The following SHROOM2 variants were observed in gnomAD, a reference collection of about 807,000 sequenced individuals.
The protein encoded by SHROOM2 is shroom family member 2.
SHROOM2 carries 33 observed loss-of-function variants against 75.9 expected under a neutral mutation model. That is an observed-to-expected ratio of 0.43 (90% confidence interval 0.33 to 0.58). The LOEUF is 0.58. Among genes scored for constraint, SHROOM2 ranks in the 20% least tolerant of loss-of-function variants. SHROOM2 has a pLI of 0.04. For missense variants in SHROOM2, 1,434 were observed against 1,461.2 expected (o/e 0.98, Z 0.30); for synonymous variants, 655 against 663.6 (o/e 0.99, Z 0.20).
Position 9,944,635 on chromosome X carries a change from C to T in SHROOM2, c.4312-6C>T, listed in dbSNP as rs2084800402. 1 of 1,201,799 alleles carries T rather than the reference C, an allele frequency of 8.3e-7. No homozygotes were observed. The highest frequency in any genetic ancestry group is 1.8e-5 in the South Asian group (1 of 55,796). ...CCGTGTTCCCTTGCCATCCCGTGCC[C>T]AACAGCAGGAGCTCATCGAGAGCAT... On this transcript the variant is annotated splice_region_variant and splice_polypyrimidine_tract_variant and intron_variant, in intron 8 of 9. Transcript: ENST00000380913.
chrX:9,833,871 C>G (rs1049115461), intron 1 of SHROOM2, among the ~76,000 whole-genome samples: 1 of 111,225 alleles, frequency 9.0e-6, no homozygotes, highest in Non-Finnish European at 1.9e-5. Context: ...TCCTGCTGGC[C>G]TAGTTCTCCA....
chrX:9,841,245 T>C (rs977084590), intron 1 of SHROOM2, among the ~76,000 whole-genome samples: 2 of 81,106 alleles, frequency 2.5e-5, no homozygotes, highest in African/African-American at 9.6e-5. Flanking sequence ...CATTAGCCAC[T>C]GTGCCTGGCC....
At chrX:9,811,950 G>A (rs1018826000) in intron 1 of SHROOM2, among the ~76,000 whole-genome samples, 6 of 111,205 alleles carry the variant, frequency 5.4e-5, no homozygotes, top group Admixed American at 1.9e-4. Context: ...GCCCGATCAC[G>A]TATATACCAC....
At chrX:9,916,723 A>G (rs767176667) in intron 5 of SHROOM2, among the ~76,000 whole-genome samples, 35 of 112,010 alleles carry the variant, frequency 3.1e-4, no homozygotes, top group Non-Finnish European at 4.9e-4. Flanking sequence ...CTGACTAGCC[A>G]TTTGTGTTTT....
chrX:9,894,384 C>A lies in SHROOM2; in HGVS notation c.476C>A (p.Ser159Tyr). 1 of 1,210,328 alleles carries A rather than the reference C, an allele frequency of 8.3e-7. No homozygotes were observed. Among genetic ancestry groups the A allele is most frequent in the Non-Finnish European group, 1.1e-6 (1 of 894,611 alleles). The change falls in exon 4 of 10, where the codon TCC becomes TAC. Residue 159 changes from serine (S) to tyrosine (Y), a missense_variant. This residue lies in a region of SHROOM2 where 1,340 missense variants were observed against 1,338.3 expected (regional missense o/e 1.00). Coordinates refer to ENST00000380913, the MANE Select transcript of SHROOM2 (RefSeq NM_001649.4). Reference protein sequence around the residue: ...ASSSSHDLSSSWEQTNLQRTL... With the variant: ...ASSSSHDLSSYWEQTNLQRTL... ...TCTTCCTCCCACGACCTGTCCAGTTCCTGGGAGCAGACGAACCTACAGCGC... is the reference window on the plus strand; with the variant it reads ...TCTTCCTCCCACGACCTGTCCAGTTACTGGGAGCAGACGAACCTACAGCGC...
chrX:9,849,578 G>A (rs1012030067), intron 1 of SHROOM2, among the ~76,000 whole-genome samples: 3 of 111,417 alleles, frequency 2.7e-5, no homozygotes, highest in African/African-American at 9.8e-5. Context: ...ATGGCAGGCA[G>A]CTTTACACGT....
rs1163211453 is a variant in SHROOM2, at chrX:9,894,257, T to G, written c.450-101T>G. Reference sequence around the variant, plus strand: ...ACCGTGGGAAATTACTGTTTGGCATTTTGGTATTTCCACAGAGGGTCAGCT... The same window carrying G: ...ACCGTGGGAAATTACTGTTTGGCATGTTGGTATTTCCACAGAGGGTCAGCT... On this transcript the variant is annotated intron_variant, in intron 3 of 9. Transcript: ENST00000380913. 6.3e-6 allele frequency: 5 copies of G among 790,760 alleles called. No homozygotes were observed. In the African/African-American group the frequency reaches 8.4e-5, roughly 13 times the overall value. The allele number at this position is 790,760 out of a possible 1,213,427, so 65.2% of individuals were successfully genotyped here.
intron 5 of SHROOM2, 35 bp from the exon 6 acceptor site, chrX:9,932,140 A>G: frequency 9.2e-7 from 1 of 1,088,809 alleles, no homozygotes; most frequent in Non-Finnish European, 1.2e-6. Context: ...GTATTATTGG[A>G]ATCGTTGATT....
chrX:9,911,611 A>G (rs970235673), intron 5 of SHROOM2, among the ~76,000 whole-genome samples: 2 of 110,554 alleles, frequency 1.8e-5, no homozygotes, highest in Non-Finnish European at 3.8e-5. Context: ...GGGCTGCGTT[A>G]GGAGGGAGGT....
At chrX:9,835,013 C>T (rs780806261) in intron 1 of SHROOM2, among the ~76,000 whole-genome samples, 2 of 112,732 alleles carry the variant, frequency 1.8e-5, no homozygotes, top group East Asian at 5.5e-4. Flanking sequence ...CAGGGGAGTC[C>T]CTGTTCATCC....
intron 1 of SHROOM2, among the ~76,000 whole-genome samples, chrX:9,849,738 A>G (rs1454118725): frequency 8.9e-6 from 1 of 111,915 alleles, no homozygotes; most frequent in Non-Finnish European, 1.9e-5. Flanking sequence ...TCCTCATCAC[A>G]TTAGCTCTAG....
chrX:9,806,273 G>A (rs967931548), intron 1 of SHROOM2, among the ~76,000 whole-genome samples: 2 of 110,753 alleles, frequency 1.8e-5, no homozygotes, highest in Non-Finnish European at 3.8e-5. Flanking sequence ...TCGCACAGCA[G>A]GCACATCGCT....
intron 5 of SHROOM2, among the ~76,000 whole-genome samples, chrX:9,919,281 A>G (rs2084519045): frequency 1.0e-5 from 1 of 97,504 alleles, no homozygotes. Context: ...AGAAAGGCAT[A>G]TCTGTGTCAA....
intron 2 of SHROOM2, among the ~76,000 whole-genome samples, chrX:9,885,352 G>A (rs766387495): frequency 5.5e-5 from 6 of 109,751 alleles, no homozygotes; most frequent in Non-Finnish European, 9.5e-5. Flanking sequence ...TCTAGGTGGC[G>A]CCAGAGCACT....
intron 3 of SHROOM2, 41 bp downstream of exon 3, chrX:9,891,149 C>T: frequency 2.6e-6 from 3 of 1,173,386 alleles, no homozygotes; most frequent in Non-Finnish European, 3.4e-6. Flanking sequence ...GTTTGTTCAG[C>T]CTTCTGCAGG....
intron 5 of SHROOM2, among the ~76,000 whole-genome samples, chrX:9,906,254 T>C (rs1364254476): frequency 1.8e-5 from 2 of 111,479 alleles, no homozygotes; most frequent in African/African-American, 6.5e-5. Context: ...AGATAGAAAG[T>C]AGATTAGTGG....
intron 1 of SHROOM2, among the ~76,000 whole-genome samples, chrX:9,805,800 C>G (rs191944247): frequency 3.7e-5 from 4 of 108,623 alleles, no homozygotes; most frequent in African/African-American, 1.0e-4. Flanking sequence ...TTGTGGTTCT[C>G]ACGAGTTGGA....
chrX:9,841,215 C>T (rs1246005993), intron 1 of SHROOM2, among the ~76,000 whole-genome samples: 3 of 110,283 alleles, frequency 2.7e-5, no homozygotes, highest in Non-Finnish European at 3.8e-5. Context: ...CTCGGCCTCC[C>T]AAAGTGCTGG....
intron 2 of SHROOM2, among the ~76,000 whole-genome samples, chrX:9,881,674 G>C (rs911945051): frequency 8.9e-6 from 1 of 112,371 alleles, no homozygotes; most frequent in Non-Finnish European, 1.9e-5. Context: ...GTTCACCTGT[G>C]GTGGTAGTGC....
Sources: gnomAD v4.1 joint callset for allele counts (sites outside exome capture counted in the v4.1 genomes callset) on GRCh38, gnomAD v4.1.1 for gene constraint, gnomAD v4.1.1 regional missense constraint, MANE v1.5 for transcripts, NCBI Gene and HGNC (gene_info 2026-07-23, HGNC 2026-07-21) for gene names.